The following CTNNA1 variants were observed in gnomAD, a reference collection of about 807,000 sequenced individuals.
CTNNA1 encodes the protein catenin alpha 1.
In CTNNA1, 37 loss-of-function variants were observed where a neutral mutation model predicts 98.4. That is an observed-to-expected ratio of 0.38 (90% CI 0.29 to 0.49). The LOEUF (loss-of-function observed/expected upper bound fraction) is 0.49, where lower values mean the gene tolerates loss of function less well. Among genes scored for constraint, CTNNA1 ranks in the 20% least tolerant of loss-of-function variants. The pLI, the probability that CTNNA1 is intolerant of heterozygous loss-of-function variation, is 0.95. For synonymous variants in CTNNA1, 404 were observed against 413.2 expected, an observed-to-expected ratio of 0.98 and a Z score of 0.27; for missense variants, 761 against 1,147.2, an observed-to-expected ratio of 0.66 and a Z score of 4.86.
chr5:138,868,339 C>G (rs1764996812), intron 7 of CTNNA1, among the ~76,000 whole-genome samples: 1 of 152,162 alleles, frequency 6.6e-6, no homozygotes, highest in Non-Finnish European at 1.5e-5. Context: ...TTAAAATCTT[C>G]CCTTCCTTTT....
At chr5:138,871,541 T>C (rs933386347) in intron 7 of CTNNA1, 1 of 152,262 alleles carries the variant, frequency 6.6e-6, no homozygotes, top group Non-Finnish European at 1.5e-5. Context: ...CATTGGAGGA[T>C]CTACCCCTCT....
At chr5:138,899,787 T>C (rs1217572636) in intron 9 of CTNNA1, among the ~76,000 whole-genome samples, 1 of 152,240 alleles carries the variant, frequency 6.6e-6, no homozygotes, top group Non-Finnish European at 1.5e-5. Context: ...CTCTTAATTT[T>C]TCACCTGCCT....
At chr5:138,830,232 G>A (rs1458971115) in intron 7 of CTNNA1, among the ~76,000 whole-genome samples, 2 of 151,650 alleles carry the variant, frequency 1.3e-5, no homozygotes, top group African/African-American at 4.8e-5. Context: ...GTGGTGTGGG[G>A]GCCCCTGTAG....
chr5:138,818,464 G>T (rs925919681), intron 5 of CTNNA1, among the ~76,000 whole-genome samples: 1 of 152,044 alleles, frequency 6.6e-6, no homozygotes, highest in Admixed American at 6.5e-5. Flanking sequence ...CTGTGCATGT[G>T]GTGGGACAAT....
intron 1 of CTNNA1, among the ~76,000 whole-genome samples, chr5:138,777,822 C>T (rs1167042326): frequency 2.0e-5 from 3 of 147,456 alleles, no homozygotes; most frequent in African/African-American, 5.0e-5. Context: ...AGTCCAGCTT[C>T]AGCTCGGCAT....
chr5:138,806,354 A>G (rs1581090697), intron 3 of CTNNA1, among the ~76,000 whole-genome samples: 1 of 147,336 alleles, frequency 6.8e-6, no homozygotes, highest in South Asian at 2.1e-4. Context: ...CGAGGGTCCT[A>G]ACTTTTTTTT....
At chr5:138,807,032 A>G (rs1191355530) in intron 3 of CTNNA1, among the ~76,000 whole-genome samples, 2 of 134,828 alleles carry the variant, frequency 1.5e-5, no homozygotes, top group African/African-American at 5.5e-5. Context: ...TTTTTTTGAG[A>G]CAGACTCTCG....
chr5:138,807,190 T>C (rs1246974331), intron 3 of CTNNA1, among the ~76,000 whole-genome samples: 1 of 151,982 alleles, frequency 6.6e-6, no homozygotes, highest in Non-Finnish European at 1.5e-5. Context: ...GCATTTTTAG[T>C]AGAGATGGGG....
At chr5:138,891,437 T>C (rs888853323) in intron 9 of CTNNA1, among the ~76,000 whole-genome samples, 7 of 152,150 alleles carry the variant, frequency 4.6e-5, no homozygotes, top group Admixed American at 3.9e-4. Flanking sequence ...GCTTGCTGAT[T>C]ACACACATGT....
chr5:138,805,961 C>A lies in CTNNA1; in HGVS notation c.302-4077C>A, dbSNP rs1199335495. Among the ~76,000 whole-genome samples the A allele has an allele frequency of 2.6e-5, 4 of 152,062 alleles. No individual in the cohort carries two copies. The East Asian group carries it at 5.8e-4, about 22-fold the overall frequency. ...TACTTTTGGTGTCATAGCTAAGAAACCATTGTGAATCAGAGGTCATGAAGA... is the reference window on the plus strand; with the variant it reads ...TACTTTTGGTGTCATAGCTAAGAAAACATTGTGAATCAGAGGTCATGAAGA... On this transcript the variant is annotated intron_variant, in intron 3 of 17. Transcript: ENST00000302763.
chr5:138,877,920 G>A (rs993183268), intron 7 of CTNNA1, among the ~76,000 whole-genome samples: 1 of 152,148 alleles, frequency 6.6e-6, no homozygotes, highest in Non-Finnish European at 1.5e-5. Flanking sequence ...TTGGATTAGA[G>A]CCACCATGAT....
At chr5:138,803,220 C>G (rs1275477641) in intron 3 of CTNNA1, among the ~76,000 whole-genome samples, 1 of 150,364 alleles carries the variant, frequency 6.7e-6, no homozygotes, top group African/African-American at 2.5e-5. Context: ...GTGGCATGAT[C>G]GTGGCTCACT....
intron 7 of CTNNA1, among the ~76,000 whole-genome samples, chr5:138,849,366 C>T (rs1342594676): frequency 6.6e-6 from 1 of 152,130 alleles, no homozygotes; most frequent in Non-Finnish European, 1.5e-5. Context: ...AGAATTTACA[C>T]ACCCTAGAAC....
rs77476188 is a variant in CTNNA1, at chr5:138,833,502, T to C, written c.1062+5784T>C. On this transcript the variant is annotated intron_variant, in intron 7 of 17. Coordinates refer to ENST00000302763, the MANE Select transcript of CTNNA1 (RefSeq NM_001903.5). ...GGGTTAAATAAAATCTATTAAACTT[T>C]ATTTTTACCTGTTTCTTTTCACTTA... 4.5e-4 allele frequency among the ~76,000 whole-genome samples: 68 copies of C among 152,366 alleles called. No homozygotes were observed. The East Asian group carries it at 0.011, about 25-fold the overall frequency.
chr5:138,791,642 A>AAG (rs1561530003), intron 3 of CTNNA1, among the ~76,000 whole-genome samples: 3 of 147,272 alleles, frequency 2.0e-5, no homozygotes, highest in African/African-American at 7.4e-5. Flanking sequence ...AAAAAAAAAA[A>AAG]GGGTCTTGTT....
chr5:138,768,664 C>T (rs1045969140), intron 1 of CTNNA1, among the ~76,000 whole-genome samples: 1 of 143,664 alleles, frequency 7.0e-6, no homozygotes, highest in African/African-American at 2.6e-5. Context: ...AACTCCTGAA[C>T]TCCTGGGTAC....
intron 7 of CTNNA1, among the ~76,000 whole-genome samples, chr5:138,832,529 A>G (rs183411775): frequency 2.6e-5 from 4 of 152,338 alleles, no homozygotes; most frequent in Admixed American, 6.5e-5. Context: ...TTAAAAGTGA[A>G]TGGATTGAAA....
rs1042093855 is a variant in CTNNA1, at chr5:138,782,178, C to T, written c.105+149C>T. On this transcript the variant is annotated intron_variant, in intron 2 of 17. Transcript: ENST00000302763. ...TTCTTAGATGATTTGAATATTGATG[C>T]ATGGGTTTAGTTAACCCTTGAGAAC... 16 of 770,510 alleles carry T rather than the reference C, an allele frequency of 2.1e-5. No individual in the cohort carries two copies. The Middle Eastern group carries it at 9.1e-4, about 44-fold the overall frequency. 47.7% of individuals were successfully genotyped at this position (770,510 alleles called of 1,614,324 possible).
intron 7 of CTNNA1, among the ~76,000 whole-genome samples, chr5:138,837,939 A>G (rs1761948642): frequency 6.6e-6 from 1 of 151,762 alleles, no homozygotes; most frequent in African/African-American, 2.4e-5. Context: ...GTTTCTAAAG[A>G]GACCGCATGG....
Sources: gnomAD v4.1 joint callset for allele counts (sites outside exome capture counted in the v4.1 genomes callset) on GRCh38, gnomAD v4.1.1 for gene constraint, MANE v1.5 for transcripts, NCBI Gene and HGNC (gene_info 2026-07-23, HGNC 2026-07-21) for gene names.